The following ARL17A variants were observed in gnomAD, a reference collection of about 807,000 sequenced individuals.
ARL17A encodes ARF like GTPase 17A.
At chr17:46,542,131 A>C (rs548222832) in intron 3 of ARL17A, among the ~76,000 whole-genome samples, 3 of 141,544 alleles carry the variant, frequency 2.1e-5, no homozygotes, top group African/African-American at 8.7e-5. Context: ...GTCTAAAAAA[A>C]AAAGTAAGAA....
the ARL17A span, among the ~76,000 whole-genome samples, chr17:46,500,666 C>T: frequency 6.6e-6 from 1 of 150,966 alleles, no homozygotes; most frequent in South Asian, 2.1e-4. Context: ...ATAGCAAATC[C>T]CTTGTTGAGT....
chr17:46,549,408 T>C (rs2056575213), downstream of ARL17A: 1 of 978,754 alleles, frequency 1.0e-6, no homozygotes, highest in East Asian at 2.5e-5. Context: ...ATCATCCTCA[T>C]GAGGCAGATT....
chr17:46,573,036 G>A (rs1418365442), intron 2 of ARL17A, among the ~76,000 whole-genome samples: 1 of 117,304 alleles, frequency 8.5e-6, no homozygotes, highest in Non-Finnish European at 1.8e-5. Context: ...GGAAAAGAAG[G>A]AAAGATGTCC....
At chr17:46,534,256 G>T (rs1330779277) in intron 4 of ARL17A, among the ~76,000 whole-genome samples, 1 of 144,400 alleles carries the variant, frequency 6.9e-6, no homozygotes, top group Non-Finnish European at 1.5e-5. Flanking sequence ...GGGGGATTTG[G>T]CAGGGTCATA....
downstream of ARL17A, among the ~76,000 whole-genome samples, chr17:46,516,263 A>G (rs1598289442): frequency 7.6e-6 from 1 of 130,888 alleles, no homozygotes; most frequent in Non-Finnish European, 1.7e-5. Context: ...AGATTGCACC[A>G]CTGCACTCCA....
the ARL17A span, among the ~76,000 whole-genome samples, chr17:46,502,787 G>A: frequency 6.6e-6 from 1 of 151,312 alleles, no homozygotes; most frequent in African/African-American, 2.5e-5. Flanking sequence ...CTGTGGCAAT[G>A]TTATCCAAGG....
intron 3 of ARL17A, among the ~76,000 whole-genome samples, chr17:46,558,407 T>G (rs930993706): frequency 9.2e-6 from 1 of 108,688 alleles, no homozygotes; most frequent in African/African-American, 4.0e-5. Context: ...TTTGTTTGTT[T>G]TTGGAGACAG....
At chr17:46,525,859 C>T (rs1335210504), downstream of ARL17A, among the ~76,000 whole-genome samples, 3 of 90,028 alleles carry the variant, frequency 3.3e-5, no homozygotes, top group Admixed American at 1.1e-4. Context: ...AAGGAGGAAG[C>T]GGATGCTGAT....
At position 46,558,062 on chromosome 17, in the gene ARL17A, G is replaced by T. The variant is rs539803646; in HGVS notation, c.260-432C>A. ...ACAGGGAAATTCAGGAGTTTTGTTT[G>T]TTTTTTTTTCTTTTAAGGTGGAGTT... is the stretch of plus-strand genomic sequence containing the variant. On this transcript the variant is annotated intron_variant, in intron 3 of 3. Coordinates refer to ENST00000336125, the MANE Select transcript of ARL17A (RefSeq NM_001113738.2). Among the ~76,000 whole-genome samples, 638 of 137,506 alleles carry T rather than the reference G, an allele frequency of 4.6e-3. 16 individuals carry two copies. The highest frequency in any genetic ancestry group is 0.015 in the African/African-American group (549 of 36,002). The allele number at this position is 137,506 out of a possible 152,430, so 90.2% of individuals were successfully genotyped here. A position where few individuals can be genotyped will look rare whatever the true frequency, so the allele number is the denominator to read the frequency against.
At chr17:46,503,000 C>G in the ARL17A span, among the ~76,000 whole-genome samples, 1 of 150,658 alleles carries the variant, frequency 6.6e-6, no homozygotes, top group Non-Finnish European at 1.5e-5. Flanking sequence ...ATCCCGATGT[C>G]AGGAGATGGA....
chr17:46,521,168 T>C, intron 3 of ARL17A, among the ~76,000 whole-genome samples: 1 of 71,212 alleles, frequency 1.4e-5, no homozygotes, highest in African/African-American at 4.4e-5. Flanking sequence ...TGTATTTCTG[T>C]CTGTTTAGAG....
chr17:46,528,064 C>T (rs1271584247), downstream of ARL17A, among the ~76,000 whole-genome samples: 24 of 120,422 alleles, frequency 2.0e-4, no homozygotes, highest in African/African-American at 7.3e-4. Context: ...ACCTGTAGAG[C>T]AGTGAGCTCC....
Position 46,541,904 on chromosome 17 carries a change from C to T in ARL17A, c.260-3478G>A, listed in dbSNP as rs559268759. ...ATCCCCTGCAGACACCGAGGGACAA[C>T]TGTTCACTCCTTTTTATTGCTGAGT... On this transcript the variant is annotated intron_variant, in intron 3 of 4. Transcript: ENST00000329240. 2.7e-5 allele frequency among the ~76,000 whole-genome samples: 4 copies of T among 148,882 alleles called. No individual in the cohort carries two copies. The East Asian group carries it at 7.9e-4, about 29-fold the overall frequency.
chr17:46,551,012 CCA>C (rs2056744244), downstream of ARL17A, among the ~76,000 whole-genome samples: 1 of 149,746 alleles, frequency 6.7e-6, no homozygotes, highest in South Asian at 2.1e-4. Flanking sequence ...CTAAATAGGT[CCA>C]GTTAAAGCAC....
chr17:46,549,099 A>G (rs750471525), downstream of ARL17A: 7 of 1,611,922 alleles, frequency 4.3e-6, no homozygotes, highest in Non-Finnish European at 5.9e-6. Context: ...GAACACCCAA[A>G]GTCAAAAAGA....
At position 46,534,888 on chromosome 17, in the gene ARL17A, C is replaced by T. The variant is rs1428511953; in HGVS notation, c.335+3463G>A. 3.3e-4 allele frequency among the ~76,000 whole-genome samples: 50 copies of T among 149,508 alleles called. 1 individual carries two copies. The East Asian group carries it at 5.3e-3, about 16-fold the overall frequency. ...GCAGAGGGGCTCCTCACTTCTCAGA[C>T]GGGGCGGCTGCTGGGCGGAGGGGCT... On this transcript the variant is annotated intron_variant, in intron 4 of 4. Transcript: ENST00000329240.
At chr17:46,500,653 A>G in the ARL17A span, among the ~76,000 whole-genome samples, 1 of 151,024 alleles carries the variant, frequency 6.6e-6, no homozygotes, top group Non-Finnish European at 1.5e-5. Context: ...CTGAAATGTG[A>G]TAATAGCAAA....
At chr17:46,544,810 A>C (rs1326647377) in intron 3 of ARL17A, among the ~76,000 whole-genome samples, 2 of 118,450 alleles carry the variant, frequency 1.7e-5, no homozygotes, top group Non-Finnish European at 3.4e-5. Context: ...ATTGGAAAAA[A>C]TTCAAACAAG....
intron 4 of ARL17A, among the ~76,000 whole-genome samples, chr17:46,535,344 T>A (rs2054530089): frequency 7.5e-6 from 1 of 133,034 alleles, no homozygotes; most frequent in Non-Finnish European, 1.5e-5. Flanking sequence ...GATCCCTCAG[T>A]TTTTCCTACT....
Sources: gnomAD v4.1 joint callset for allele counts (sites outside exome capture counted in the v4.1 genomes callset) on GRCh38, gnomAD v4.1.1 for gene constraint, MANE v1.5 for transcripts, NCBI Gene and HGNC (gene_info 2026-07-23, HGNC 2026-07-21) for gene names.